The following PCDH15 variants were observed in gnomAD, a reference collection of about 807,000 sequenced individuals.
The protein encoded by PCDH15 is protocadherin related 15.
A neutral mutation model predicts 178.5 loss-of-function variants in PCDH15; 129 were observed. That is an observed-to-expected ratio of 0.72 (90% CI 0.63 to 0.84). The LOEUF (loss-of-function observed/expected upper bound fraction) is 0.84. Among genes scored for constraint, PCDH15 ranks in the 40% least tolerant of loss-of-function variants. PCDH15 has a pLI of 0.00. For synonymous variants in PCDH15, 800 were observed against 732.0 expected (o/e 1.09, Z -1.50); for missense variants, 2,230 against 2,099.9 (o/e 1.06, Z -1.21).
chr10:55,553,514 T>C (rs10825541), intron 2 of PCDH15, among the ~76,000 whole-genome samples: 51,848 of 151,586 alleles, frequency 0.34, 9,142 homozygotes, highest in East Asian at 0.49. Context: ...TTTTAATGAA[T>C]ATTCATTGTC....
intron 3 of PCDH15, among the ~76,000 whole-genome samples, chr10:54,893,681 T>G (rs1212397113): frequency 2.0e-5 from 3 of 152,078 alleles, no homozygotes; most frequent in African/African-American, 7.2e-5. Context: ...ATGTAAACAT[T>G]CTCTATTCCT....
At chr10:53,957,615 C>A (rs777679159) in intron 23 of PCDH15, among the ~76,000 whole-genome samples, 4 of 151,072 alleles carry the variant, frequency 2.6e-5, no homozygotes, top group Non-Finnish European at 5.9e-5. Context: ...CAGGACAGCA[C>A]AAGATTTCAT....
chr10:55,185,381 C>T (rs1177025965), intron 1 of PCDH15, among the ~76,000 whole-genome samples: 6 of 151,630 alleles, frequency 4.0e-5, no homozygotes, highest in African/African-American at 1.2e-4. Flanking sequence ...ATAAACTAGG[C>T]CTCTTAAATT....
chr10:53,943,116 T>C (rs1486308976), intron 23 of PCDH15, among the ~76,000 whole-genome samples: 1 of 152,182 alleles, frequency 6.6e-6, no homozygotes, highest in African/African-American at 2.4e-5. Flanking sequence ...CTTTCCATAA[T>C]TCATCTGTTT....
intron 2 of PCDH15, among the ~76,000 whole-genome samples, chr10:55,117,550 C>A (rs1216371703): frequency 6.6e-6 from 1 of 152,154 alleles, no homozygotes; most frequent in Non-Finnish European, 1.5e-5. Context: ...CATCCAATTG[C>A]TTTCTGACAG....
At chr10:54,420,085 T>C (rs566764606) in intron 3 of PCDH15, among the ~76,000 whole-genome samples, 36 of 152,198 alleles carry the variant, frequency 2.4e-4, no homozygotes, top group African/African-American at 8.7e-4. Context: ...CATGGAAATG[T>C]TGAGAAATTT....
chr10:55,557,562 T>C (rs868249849), intron 2 of PCDH15, among the ~76,000 whole-genome samples: 34 of 152,140 alleles, frequency 2.2e-4, no homozygotes, highest in African/African-American at 7.5e-4. Flanking sequence ...TCATCTCTCA[T>C]TATCTTACTA....
At chr10:55,045,710 G>T (rs1211238249) in intron 2 of PCDH15, among the ~76,000 whole-genome samples, 1 of 151,986 alleles carries the variant, frequency 6.6e-6, no homozygotes, top group African/African-American at 2.4e-5. Context: ...ACAAATGAAA[G>T]ATAAAATTAA....
chr10:54,396,821 A>C (rs1394208509), intron 3 of PCDH15, among the ~76,000 whole-genome samples: 1 of 152,158 alleles, frequency 6.6e-6, no homozygotes, highest in Non-Finnish European at 1.5e-5. Flanking sequence ...CTATGATTTC[A>C]AAACAGAGAA....
At chr10:54,234,590 G>T (rs12261438) in intron 9 of PCDH15, among the ~76,000 whole-genome samples, 6 of 152,020 alleles carry the variant, frequency 3.9e-5, no homozygotes, top group Non-Finnish European at 7.4e-5. Context: ...TCAGGTAAAG[G>T]GGGGCTAAAT....
chr10:55,439,606 T>TAA (rs566020694), intron 2 of PCDH15, among the ~76,000 whole-genome samples: 1 of 145,384 alleles, frequency 6.9e-6, no homozygotes, highest in Non-Finnish European at 1.5e-5. Context: ...TTTTTTTTTT[T>TAA]AAATGATGAA....
At chr10:54,161,392 G>A (rs1042815592) in intron 13 of PCDH15, among the ~76,000 whole-genome samples, 8 of 152,176 alleles carry the variant, frequency 5.3e-5, no homozygotes, top group Admixed American at 4.6e-4. Flanking sequence ...GTCTACAGCT[G>A]AAAATGGGAG....
chr10:55,582,620 A>ATT (rs1350113539), intron 2 of PCDH15, among the ~76,000 whole-genome samples: 1,295 of 86,856 alleles, frequency 0.015, 22 homozygotes, highest in East Asian at 0.036. Context: ...ATATATATAT[A>ATT]TATATATATT....
chr10:54,252,602 G>T (rs1425999197), intron 8 of PCDH15, among the ~76,000 whole-genome samples: 10 of 152,144 alleles, frequency 6.6e-5, no homozygotes, highest in Non-Finnish European at 1.0e-4. Flanking sequence ...TGCCATCAGA[G>T]CCAGAACGAC....
chr10:54,534,036 T>C (rs1263196339), intron 2 of PCDH15, among the ~76,000 whole-genome samples: 1 of 152,146 alleles, frequency 6.6e-6, no homozygotes, highest in Non-Finnish European at 1.5e-5. Context: ...AACTCATATA[T>C]TTTTACAACA....
intron 1 of PCDH15, among the ~76,000 whole-genome samples, chr10:55,297,650 A>C (rs915484483): frequency 6.6e-6 from 1 of 152,110 alleles, no homozygotes; most frequent in African/African-American, 2.4e-5. Flanking sequence ...AAATTTATTA[A>C]TTCATATGTA....
chr10:55,582,622 A>ATTTTTT (rs1266708993), intron 2 of PCDH15, among the ~76,000 whole-genome samples: 10 of 74,264 alleles, frequency 1.3e-4, no homozygotes, highest in East Asian at 5.4e-4. Context: ...ATATATATAT[A>ATTTTTT]TATATATTTT....
chr10:55,402,981 G>C (rs543778863), intron 2 of PCDH15, among the ~76,000 whole-genome samples: 1 of 151,840 alleles, frequency 6.6e-6, no homozygotes, highest in Non-Finnish European at 1.5e-5. Flanking sequence ...GCCAGCGTTT[G>C]TTATTTTTTG....
At chr10:54,005,047 A>G (rs2092335527) in intron 20 of PCDH15, among the ~76,000 whole-genome samples, 1 of 152,116 alleles carries the variant, frequency 6.6e-6, no homozygotes, top group East Asian at 1.9e-4. Context: ...CAAAAGTGCC[A>G]GGAATGTAAC....
Sources: allele counts gnomAD v4.1 joint callset (sites outside exome capture counted in the v4.1 genomes callset), GRCh38; gene constraint gnomAD v4.1.1; transcripts MANE v1.5; gene names NCBI Gene and HGNC (gene_info 2026-07-23, HGNC 2026-07-21).